The following KAT6A variants were observed in gnomAD, a reference collection of about 807,000 sequenced individuals.
KAT6A encodes lysine acetyltransferase 6A, also known as histone acetyltransferase KAT6A.
KAT6A carries 9 observed loss-of-function variants against 198.4 expected under a neutral mutation model. That is an observed-to-expected ratio of 0.05 (90% CI 0.03 to 0.08). The LOEUF (loss-of-function observed/expected upper bound fraction) is 0.08. Among genes scored for constraint, KAT6A ranks in the 10% least tolerant of loss-of-function variants. The probability of loss-of-function intolerance (pLI) is 1.00; values close to 1 mark genes in which losing one functional copy is unlikely to be tolerated. For synonymous variants in KAT6A, 890 were observed against 883.0 expected (o/e 1.01, Z -0.14); for missense variants, 2,077 against 2,509.9 (o/e 0.83, Z 3.69).
At chr8:41,955,450 T>C (rs763043703) in intron 8 of KAT6A, 39 bp from the exon 9 acceptor site, 1 of 1,252,594 alleles carries the variant, frequency 8.0e-7, no homozygotes, top group Non-Finnish European at 1.2e-6. Context: ...TTAGCTAAAT[T>C]AGACACACTG....
chr8:42,003,378 C>T (rs988398571), intron 2 of KAT6A, among the ~76,000 whole-genome samples: 2 of 152,002 alleles, frequency 1.3e-5, no homozygotes, highest in Non-Finnish European at 2.9e-5. Context: ...AGGCAGCGGG[C>T]CTTCCTCCTA....
At chr8:42,044,919 C>T (rs114927610) in intron 2 of KAT6A, among the ~76,000 whole-genome samples, 79 of 152,316 alleles carry the variant, frequency 5.2e-4, no homozygotes, top group African/African-American at 1.9e-3. Context: ...AGGTTCGTAA[C>T]AGCAAACTAT....
intron 2 of KAT6A, among the ~76,000 whole-genome samples, chr8:42,031,213 T>G (rs1163015144): frequency 6.6e-6 from 1 of 152,210 alleles, no homozygotes; most frequent in African/African-American, 2.4e-5. Context: ...TTTTTGTACT[T>G]TTTGAATTTT....
chr8:41,988,512 T>C (rs1022795548), intron 2 of KAT6A, among the ~76,000 whole-genome samples: 3 of 152,154 alleles, frequency 2.0e-5, no homozygotes, highest in Admixed American at 2.0e-4. Context: ...TGGAGAAAAA[T>C]AATTATTGTA....
chr8:42,026,578 G>T, intron 2 of KAT6A, among the ~76,000 whole-genome samples: 1 of 152,094 alleles, frequency 6.6e-6, no homozygotes, highest in Non-Finnish European at 1.5e-5. Flanking sequence ...TGTTATTGGT[G>T]TATGGAAACA....
At chr8:41,950,774 T>C (rs1822628151) in intron 9 of KAT6A, among the ~76,000 whole-genome samples, 1 of 152,204 alleles carries the variant, frequency 6.6e-6, no homozygotes, top group South Asian at 2.1e-4. Context: ...CACAGAGACA[T>C]GAAAATAAAG....
At chr8:42,039,992 C>T (rs1469221140) in intron 2 of KAT6A, among the ~76,000 whole-genome samples, 3 of 151,980 alleles carry the variant, frequency 2.0e-5, no homozygotes, top group African/African-American at 7.2e-5. Flanking sequence ...CGAGATCCGC[C>T]TGCCTCGGCT....
chr8:41,944,032 C>T, intron 12 of KAT6A, 53 bp from the exon 13 acceptor site: 1 of 1,208,932 alleles, frequency 8.3e-7, no homozygotes, highest in Non-Finnish European at 1.2e-6. Context: ...CTCTGAAAAA[C>T]TGGATTCACC....
At position 41,985,004 on chromosome 8, in the gene KAT6A, G is replaced by A. The variant is rs548177444; in HGVS notation, c.709+2451C>T. On this transcript the variant is annotated intron_variant, in intron 3 of 16. Transcript: ENST00000265713. The stretch of plus-strand genomic sequence containing the variant: ...TCAAAAAAAAAAAAAAAAAGTTACC[G>A]CTACAGTAATAGTTTTCAAATTATG... 2.0e-5 allele frequency among the ~76,000 whole-genome samples: 3 copies of A among 150,046 alleles called. No individual in the cohort carries two copies. In the East Asian group the frequency reaches 5.9e-4, roughly 29 times the overall value.
At chr8:42,044,477 A>C (rs138068162) in intron 2 of KAT6A, among the ~76,000 whole-genome samples, 7 of 152,088 alleles carry the variant, frequency 4.6e-5, no homozygotes, top group Non-Finnish European at 7.4e-5. Context: ...TAAAGTTCCA[A>C]TGTCTTCACA....
chr8:41,992,399 A>C (rs545791530), intron 2 of KAT6A, among the ~76,000 whole-genome samples: 3 of 152,342 alleles, frequency 2.0e-5, no homozygotes, highest in Admixed American at 2.0e-4. Flanking sequence ...TAAGTGTTCA[A>C]GATGGGAAAG....
At position 41,978,662 on chromosome 8, in the gene KAT6A, C is replaced by T. The variant is rs537785167; in HGVS notation, c.1023G>A (p.Arg341=). Residue 341 remains arginine, a synonymous_variant, in exon 6 of 17, where the codon AGG becomes AGA. Coordinates refer to ENST00000265713, the MANE Select transcript of KAT6A (RefSeq NM_006766.5). ...YTNPIGRPKN[R]LKKQNTVSKG... ...CTTACACCGTGTTTTGTTTCTTTAA[C>T]CTGTTTTTTGGACGTCCTATTGGAT... 2.5e-6 allele frequency: 4 copies of T among 1,613,954 alleles called. No homozygotes were observed. Among genetic ancestry groups the T allele is most frequent in the East Asian group, 4.5e-5 (2 of 44,862 alleles).
intron 2 of KAT6A, among the ~76,000 whole-genome samples, chr8:42,033,746 C>G (rs1827242929): frequency 6.6e-6 from 1 of 152,144 alleles, no homozygotes; most frequent in South Asian, 2.1e-4. Flanking sequence ...TTTACCTACT[C>G]TGTCACTCCT....
At position 41,937,441 on chromosome 8, in the gene KAT6A, C is replaced by A. The variant is rs1821909345; in HGVS notation, c.3167G>T (p.Arg1056Met). 6.2e-7 allele frequency: 1 copy of A among 1,614,162 alleles called. No individual in the cohort carries two copies. Among genetic ancestry groups the A allele is most frequent in the East Asian group, 2.2e-5 (1 of 44,876 alleles). Residue 1056 changes from arginine (R) to methionine (M), a missense_variant, in exon 16 of 17, where the codon AGG (arginine) becomes ATG (methionine). Transcript: ENST00000265713. ...CGTGGGTTCTAATCTTGGCATTGGC[C>A]TCTCGGAGTCAGAATCTTCAAAAGG... is the stretch of plus-strand genomic sequence containing the variant. ...DEPFEDSDSE[R>M]PMPRLEPTFE...
rs140619686 is a variant in KAT6A at position 42,046,599 on chromosome 8, C to A, written c.600+1779G>T. On this transcript the variant is annotated intron_variant, in intron 2 of 16. Transcript: ENST00000265713. ...TATAACATCCAATTCACAGGTATGG[C>A]ACTGAACTGATCTAACTATAAATTA... Among the ~76,000 whole-genome samples the A allele has an allele frequency of 7.9e-5, 12 of 152,272 alleles. No individual in the cohort carries two copies. The East Asian group carries it at 2.3e-3, about 29-fold the overall frequency.
chr8:41,945,863 G>A (rs1177062241), intron 12 of KAT6A, among the ~76,000 whole-genome samples: 4 of 151,706 alleles, frequency 2.6e-5, no homozygotes, highest in Non-Finnish European at 5.9e-5. Flanking sequence ...CCCGTCTCTA[G>A]TAAAAATACA....
intron 8 of KAT6A, among the ~76,000 whole-genome samples, chr8:41,964,402 A>G (rs1280145261): frequency 5.3e-5 from 8 of 152,154 alleles, no homozygotes; most frequent in South Asian, 2.1e-4. Flanking sequence ...CCCACTGGGA[A>G]TACACCTTTC....
At chr8:41,949,022 A>C (rs957825829) in intron 10 of KAT6A, among the ~76,000 whole-genome samples, 200 bp downstream of exon 10, 3 of 152,246 alleles carry the variant, frequency 2.0e-5, no homozygotes, top group Non-Finnish European at 4.4e-5. Context: ...ATAGATTCTA[A>C]GATGTACTTT....
chr8:41,938,474 C>T (rs1821953441), intron 15 of KAT6A, among the ~76,000 whole-genome samples: 2 of 151,950 alleles, frequency 1.3e-5, no homozygotes, highest in South Asian at 4.2e-4. Flanking sequence ...CTTAATAGTC[C>T]CAATCGAGAA....
Sources: gnomAD v4.1 joint callset for allele counts (sites outside exome capture counted in the v4.1 genomes callset) on GRCh38, gnomAD v4.1.1 for gene constraint, MANE v1.5 for transcripts, NCBI Gene and HGNC (gene_info 2026-07-23, HGNC 2026-07-21) for gene names.